Variants in CDC42BPA observed in about 807,000 individuals in gnomAD.
CDC42BPA encodes the protein serine/threonine-protein kinase MRCK alpha.
CDC42BPA carries 80 observed loss-of-function variants against 223.5 expected under a neutral mutation model. That is an observed-to-expected ratio of 0.36 (90% CI 0.30 to 0.43). CDC42BPA has a LOEUF of 0.43. CDC42BPA is among the 20% of genes least tolerant of loss of function. The pLI, the probability that CDC42BPA is intolerant of heterozygous loss-of-function variation, is 1.00. For synonymous variants in CDC42BPA, 694 were observed against 718.6 expected, an observed-to-expected ratio of 0.97 and a Z score of 0.55; for missense variants, 1,743 against 2,099.9, an observed-to-expected ratio of 0.83 and a Z score of 3.32.
intron 23 of CDC42BPA, among the ~76,000 whole-genome samples, chr1:227,043,258 C>T (rs1671751923): frequency 6.6e-6 from 1 of 151,900 alleles, no homozygotes; most frequent in Non-Finnish European, 1.5e-5. Flanking sequence ...ATTAAAAATA[C>T]AAAAATTAGC....
At chr1:227,256,507 T>A (rs954884504) in intron 1 of CDC42BPA, among the ~76,000 whole-genome samples, 1 of 151,976 alleles carries the variant, frequency 6.6e-6, no homozygotes, top group Admixed American at 6.6e-5. Context: ...TGAAGATATA[T>A]AAAAATGGCC....
chr1:227,117,868 A>C (rs1255594806), intron 12 of CDC42BPA, among the ~76,000 whole-genome samples: 2 of 152,158 alleles, frequency 1.3e-5, no homozygotes, highest in African/African-American at 4.8e-5. Flanking sequence ...TATTTGTAAC[A>C]CATATAACTC....
At chr1:227,267,265 T>C (rs1685165341) in intron 1 of CDC42BPA, among the ~76,000 whole-genome samples, 2 of 152,210 alleles carry the variant, frequency 1.3e-5, no homozygotes, top group South Asian at 4.1e-4. Flanking sequence ...TTCTAATCTG[T>C]TACTAAAATA....
intron 5 of CDC42BPA, among the ~76,000 whole-genome samples, chr1:227,178,774 C>T (rs780760617): frequency 1.3e-5 from 2 of 152,222 alleles, no homozygotes; most frequent in Non-Finnish European, 2.9e-5. Context: ...AGATTACAGA[C>T]ATGAGCCACC....
At chr1:227,005,346 C>T (rs1172452844) in intron 34 of CDC42BPA, among the ~76,000 whole-genome samples, 1 of 152,100 alleles carries the variant, frequency 6.6e-6, no homozygotes, top group Non-Finnish European at 1.5e-5. Context: ...AAATACTTAT[C>T]AGTAAAAAAC....
At chr1:227,025,514 C>T (rs2148603752) in intron 31 of CDC42BPA, among the ~76,000 whole-genome samples, 1 of 152,164 alleles carries the variant, frequency 6.6e-6, no homozygotes, top group Admixed American at 6.5e-5. Flanking sequence ...TTTTTGCAAA[C>T]TAGCAGTTCT....
chr1:227,043,439 T>C (rs1671795877), intron 23 of CDC42BPA, among the ~76,000 whole-genome samples: 1 of 151,988 alleles, frequency 6.6e-6, no homozygotes, highest in African/African-American at 2.4e-5. Flanking sequence ...AATTTAATTT[T>C]CTTTTTAAAA....
intron 2 of CDC42BPA, among the ~76,000 whole-genome samples, chr1:227,245,284 C>CTTTTTTTTTTTT (rs759666049): frequency 2.8e-4 from 23 of 81,782 alleles, no homozygotes; most frequent in East Asian, 7.1e-4. Context: ...TGTCTTGCAT[C>CTTTTTTTTTTTT]TTTTTTTTTT....
intron 32 of CDC42BPA, among the ~76,000 whole-genome samples, chr1:227,018,836 A>G (rs771039715): frequency 8.5e-5 from 13 of 152,238 alleles, no homozygotes; most frequent in Non-Finnish European, 1.2e-4. Context: ...AAAAAAATAC[A>G]TACCATAATT....
intron 10 of CDC42BPA, among the ~76,000 whole-genome samples, chr1:227,133,965 A>AAATAAATG (rs1191348188): frequency 2.1e-5 from 2 of 95,086 alleles, no homozygotes; most frequent in Non-Finnish European, 4.5e-5. Flanking sequence ...ATCAATAAAA[A>AAATAAATG]AATAAATGAA....
At chr1:227,237,282 T>C (rs936289928) in intron 2 of CDC42BPA, among the ~76,000 whole-genome samples, 1 of 152,128 alleles carries the variant, frequency 6.6e-6, no homozygotes, top group Non-Finnish European at 1.5e-5. Flanking sequence ...AAATGAGTAA[T>C]ACATTTACAT....
intron 7 of CDC42BPA, among the ~76,000 whole-genome samples, chr1:227,146,689 G>A (rs941328675): frequency 2.0e-5 from 3 of 152,054 alleles, no homozygotes; most frequent in African/African-American, 7.2e-5. Context: ...CTTGTTGTGT[G>A]TCTGTGTTGC....
intron 10 of CDC42BPA, among the ~76,000 whole-genome samples, chr1:227,139,030 A>G (rs1659184385): frequency 6.6e-6 from 1 of 152,166 alleles, no homozygotes; most frequent in African/African-American, 2.4e-5. Context: ...AACTGCGATT[A>G]AAGAAGAGTT....
At chr1:227,185,715 C>T (rs183152300) in intron 5 of CDC42BPA, among the ~76,000 whole-genome samples, 592 of 150,668 alleles carry the variant, frequency 3.9e-3, no homozygotes, top group Non-Finnish European at 5.7e-3. Flanking sequence ...GCCTATTAAA[C>T]TCCCTGCTCC....
At chr1:227,078,874 G>A (rs1051166298) in intron 17 of CDC42BPA, among the ~76,000 whole-genome samples, 1 of 152,076 alleles carries the variant, frequency 6.6e-6, no homozygotes, top group South Asian at 2.1e-4. Flanking sequence ...TCCAAATCTG[G>A]AACTTTTTGA....
chr1:227,215,126 T>C (rs1674602794), intron 2 of CDC42BPA, among the ~76,000 whole-genome samples: 1 of 152,158 alleles, frequency 6.6e-6, no homozygotes, highest in Non-Finnish European at 1.5e-5. Flanking sequence ...TTACATAAAA[T>C]AGAGTATACA....
Position 227,040,114 on chromosome 1 carries a change from T to C in CDC42BPA, c.3199+17A>G. 1.4e-6 allele frequency: 2 copies of C among 1,417,710 alleles called. No individual in the cohort carries two copies. Among genetic ancestry groups the C allele is most frequent in the South Asian group, 1.2e-5 (1 of 86,890 alleles). 87.8% of individuals were successfully genotyped at this position (1,417,710 alleles called of 1,614,324 possible). On this transcript the variant is annotated intron_variant, in intron 24 of 36. Transcript: ENST00000366766. Reference sequence around the variant, plus strand: ...TTTAGATAGTGAAGTCACATTTTCTTTCCTTTGTGTTCTTACCTTCACATG... The same window carrying C: ...TTTAGATAGTGAAGTCACATTTTCTCTCCTTTGTGTTCTTACCTTCACATG...
intron 34 of CDC42BPA, among the ~76,000 whole-genome samples, chr1:227,012,424 T>C (rs2148453117): frequency 6.6e-6 from 1 of 152,194 alleles, no homozygotes; most frequent in East Asian, 1.9e-4. Flanking sequence ...TAGATACAAA[T>C]AAAGGTTTGC....
chr1:227,059,536 G>C, intron 21 of CDC42BPA: 1 of 825,472 alleles, frequency 1.2e-6, no homozygotes, highest in Admixed American at 2.5e-5. Context: ...TTTTGGATAG[G>C]TTGAATGTAC....
Sources: gnomAD v4.1 joint callset for allele counts (sites outside exome capture counted in the v4.1 genomes callset) on GRCh38, gnomAD v4.1.1 for gene constraint, MANE v1.5 for transcripts, NCBI Gene and HGNC (gene_info 2026-07-23, HGNC 2026-07-21) for gene names.